The following SLC25A31 variants were observed in gnomAD, a reference collection of about 807,000 sequenced individuals.
SLC25A31 encodes solute carrier family 25 member 31, also known as ADP/ATP translocase 4.
SLC25A31 carries 40 observed loss-of-function variants against 36.2 expected under a neutral mutation model. The ratio of observed to expected loss-of-function variants is 1.10; its 90% CI spans 0.86 to 1.44. The LOEUF (loss-of-function observed/expected upper bound fraction) is 1.44. Ranked by LOEUF, SLC25A31 falls within the 40% of genes most tolerant of loss-of-function variation. The pLI is 0.00. For missense variants in SLC25A31, 350 were observed against 397.1 expected, an observed-to-expected ratio of 0.88 and a Z score of 1.01; for synonymous variants, 143 against 149.7, an observed-to-expected ratio of 0.96 and a Z score of 0.32.
In SLC25A31 at chr4:127,730,468, C is replaced by T. The variant is rs1731493127; in HGVS notation, c.-78C>T. 2.1e-6 allele frequency: 3 copies of T among 1,457,074 alleles called. No individual in the cohort carries two copies. Among genetic ancestry groups the T allele is most frequent in the Admixed American group, 1.8e-5 (1 of 54,074 alleles). 90.3% of individuals were successfully genotyped at this position (1,457,074 alleles called of 1,614,324 possible). A position where few individuals can be genotyped will look rare whatever the true frequency, so the allele number is the denominator to read the frequency against. On this transcript the variant is annotated 5_prime_UTR_variant, in exon 1 of 6. Transcript: ENST00000281154. ...CCAGTACGATGCTGCAGCGGTTTTC[C>T]GGTTTTCCGCTTCCCTTCATCGTAG...
intron 2 of SLC25A31, among the ~76,000 whole-genome samples, chr4:127,756,511 C>T (rs1410564133): frequency 6.6e-6 from 1 of 152,102 alleles, no homozygotes; most frequent in African/African-American, 2.4e-5. Context: ...AGTTTTAGGG[C>T]TCTGTTGTAC....
chr4:127,744,453 A>G (rs1731785999), intron 1 of SLC25A31, among the ~76,000 whole-genome samples: 1 of 152,206 alleles, frequency 6.6e-6, no homozygotes, highest in Admixed American at 6.5e-5. Context: ...TTAGGTATTC[A>G]AAGCTCTTTA....
At chr4:127,749,299 T>G (rs1731882201) in intron 2 of SLC25A31, among the ~76,000 whole-genome samples, 1 of 152,168 alleles carries the variant, frequency 6.6e-6, no homozygotes, top group Non-Finnish European at 1.5e-5. Context: ...TACAAATGTG[T>G]GAATTATGGC....
rs769874861 is a variant in SLC25A31, at chr4:127,730,702, T to A, written c.157T>A (p.Ser53Thr). 1 of 1,613,782 alleles carries A rather than the reference T, an allele frequency of 6.2e-7. No individual in the cohort carries two copies. The highest frequency in any genetic ancestry group is 1.1e-5 in the South Asian group (1 of 91,068). Residue 53 changes from serine to threonine, a missense_variant, in exon 1 of 6, where the codon TCG becomes ACG. Transcript: ENST00000281154. ...RVKLLLQVQA[S>T]SKQISPEARY... ...GAAGCTGCTGCTGCAGGTGCAGGCG[T>A]CGTCGAAGCAGATCAGCCCCGAGGC... is the stretch of plus-strand genomic sequence containing the variant.
chr4:127,764,633 A>AT (rs971249426), intron 3 of SLC25A31, among the ~76,000 whole-genome samples: 5 of 152,002 alleles, frequency 3.3e-5, no homozygotes, highest in South Asian at 2.1e-4. Context: ...CCCTTCCTAG[A>AT]TTTTTTTCCA....
chr4:127,756,387 A>G (rs1461168731), intron 2 of SLC25A31, among the ~76,000 whole-genome samples: 2 of 152,138 alleles, frequency 1.3e-5, no homozygotes, highest in Non-Finnish European at 1.5e-5. Flanking sequence ...TAAAATTTTG[A>G]TCTCATAGAA....
chr4:127,734,902 C>T (rs1731594978), intron 1 of SLC25A31, among the ~76,000 whole-genome samples: 1 of 152,002 alleles, frequency 6.6e-6, no homozygotes, highest in South Asian at 2.1e-4. Flanking sequence ...ATTAAGGGAT[C>T]CTGAAAAAAA....
chr4:127,766,969 G>A (rs947903597), intron 3 of SLC25A31, 97 bp from the exon 4 acceptor site: 15 of 1,046,570 alleles, frequency 1.4e-5, no homozygotes, highest in Non-Finnish European at 1.8e-5. Context: ...TTGTAAGTGG[G>A]AATTTCAGAT....
chr4:127,772,983 A>G (rs1374227727), intron 5 of SLC25A31, among the ~76,000 whole-genome samples: 3 of 151,840 alleles, frequency 2.0e-5, no homozygotes, highest in Non-Finnish European at 4.4e-5. Flanking sequence ...GCATTTTTCC[A>G]TATTGCCCAG....
intron 2 of SLC25A31, among the ~76,000 whole-genome samples, chr4:127,760,696 T>C (rs1278379766): frequency 6.6e-6 from 1 of 152,336 alleles, no homozygotes; most frequent in East Asian, 1.9e-4. Flanking sequence ...CTCAGAACTC[T>C]CAGACTTTCA....
chr4:127,766,678 G>T (rs1170471379), intron 3 of SLC25A31, among the ~76,000 whole-genome samples: 1 of 152,070 alleles, frequency 6.6e-6, no homozygotes, highest in African/African-American at 2.4e-5. Context: ...GCCCAGGCTG[G>T]TCTCGAACTC....
Position 127,730,498 on chromosome 4 carries a change from C to G in SLC25A31, c.-48C>G. 1 of 1,576,538 alleles carries G rather than the reference C, an allele frequency of 6.3e-7. No individual in the cohort carries two copies. Among genetic ancestry groups the G allele is most frequent in the Non-Finnish European group, 8.7e-7 (1 of 1,148,716 alleles). ...TTCCGCTTCCCTTCATCGTAGCTCC[C>G]GTACTCATTTTTAGCCACTGCTGCC... On this transcript the variant is annotated 5_prime_UTR_variant, in exon 1 of 6. Coordinates refer to ENST00000281154, the MANE Select transcript of SLC25A31 (RefSeq NM_031291.4).
chr4:127,742,503 G>A (rs116380017), intron 1 of SLC25A31, among the ~76,000 whole-genome samples: 4 of 152,274 alleles, frequency 2.6e-5, no homozygotes, highest in South Asian at 4.2e-4. Flanking sequence ...TAATTTTAGT[G>A]CATGAAAGAG....
At position 127,773,899 on chromosome 4, in the gene SLC25A31, G is replaced by A. The variant is rs1006482946; in HGVS notation, c.*325G>A. 18 of 178,444 alleles carry A rather than the reference G, an allele frequency of 1.0e-4. No homozygotes were observed. Among genetic ancestry groups the A allele is most frequent in the Non-Finnish European group, 1.4e-4 (12 of 85,814 alleles). 11.1% of individuals were successfully genotyped at this position (178,444 alleles called of 1,614,324 possible). On this transcript the variant is annotated 3_prime_UTR_variant, in exon 6 of 6. Coordinates refer to ENST00000281154, the MANE Select transcript of SLC25A31 (RefSeq NM_031291.4). ...TAATGCTGAAATCTAGGAAATGAAAGTAGCGTCTTTTAAATTGCTATTCAT... is the reference window on the plus strand; with the variant it reads ...TAATGCTGAAATCTAGGAAATGAAAATAGCGTCTTTTAAATTGCTATTCAT...
intron 2 of SLC25A31, among the ~76,000 whole-genome samples, chr4:127,754,625 A>T (rs542134718): frequency 1.4e-4 from 22 of 152,238 alleles, no homozygotes; most frequent in Admixed American, 1.4e-3. Flanking sequence ...CTGATTAAAG[A>T]AACTGAAACT....
chr4:127,747,008 A>G (rs948190282), intron 2 of SLC25A31, among the ~76,000 whole-genome samples: 1 of 152,150 alleles, frequency 6.6e-6, no homozygotes, highest in African/African-American at 2.4e-5. Flanking sequence ...CAGTTATCCC[A>G]CCACTATTTA....
rs148800708 is a variant in SLC25A31, at chr4:127,766,431, G to A, written c.479-635G>A. Among the ~76,000 whole-genome samples, 803 of 152,160 alleles carry A rather than the reference G, an allele frequency of 5.3e-3. 5 individuals are homozygous for A. Among genetic ancestry groups the A allele is most frequent in the Middle Eastern group, 0.02 (6 of 294 alleles). ...TCCACCCACCTCAGCCTCCCAAAGT[G>A]CTGGGATTACAGGCATGAGGCACTG... On this transcript the variant is annotated intron_variant, in intron 3 of 5. Transcript: ENST00000281154.
intron 2 of SLC25A31, among the ~76,000 whole-genome samples, chr4:127,748,721 C>A (rs1336120981): frequency 3.9e-5 from 6 of 152,218 alleles, no homozygotes; most frequent in African/African-American, 1.2e-4. Flanking sequence ...TCCAACCCCA[C>A]TGAACTGCTA....
At chr4:127,762,824 T>C (rs979263026) in intron 2 of SLC25A31, among the ~76,000 whole-genome samples, 1 of 151,518 alleles carries the variant, frequency 6.6e-6, no homozygotes, top group Non-Finnish European at 1.5e-5. Context: ...CTCAGGAGGC[T>C]GAGGCAGGAG....
Sources: gnomAD v4.1 joint callset for allele counts (sites outside exome capture counted in the v4.1 genomes callset) on GRCh38, gnomAD v4.1.1 for gene constraint, MANE v1.5 for transcripts, NCBI Gene and HGNC (gene_info 2026-07-23, HGNC 2026-07-21) for gene names.